The following ACSL5 variants were observed in gnomAD, a reference collection of about 807,000 sequenced individuals.
ACSL5 encodes the protein acyl-CoA synthetase long chain family member 5.
ACSL5 carries 50 observed loss-of-function variants against 84.9 expected under a neutral mutation model. That is an observed-to-expected ratio of 0.59 (90% CI 0.47 to 0.75). ACSL5 has a LOEUF of 0.75. ACSL5 is among the 30% of genes least tolerant of loss of function. The pLI is 0.00. For missense variants in ACSL5, 775 were observed against 830.4 expected, an observed-to-expected ratio of 0.93 and a Z score of 0.82; for synonymous variants, 280 against 300.7, an observed-to-expected ratio of 0.93 and a Z score of 0.71.
At chr10:112,421,503 G>A (rs1406380223) in intron 14 of ACSL5, 90 bp from the exon 15 acceptor site, 5 of 1,177,276 alleles carry the variant, frequency 4.2e-6, no homozygotes, top group Non-Finnish European at 6.4e-6. Context: ...AACCCTTAGA[G>A]ACCTTGCTTT....
intron 7 of ACSL5, chr10:112,410,018 A>G (rs1844142554): frequency 3.5e-6 from 1 of 287,100 alleles, no homozygotes; most frequent in East Asian, 1.7e-4. Flanking sequence ...ACCTTGGGCA[A>G]TCTCATCTCC....
intron 1 of ACSL5, among the ~76,000 whole-genome samples, chr10:112,384,825 T>C (rs1849419027): frequency 6.6e-6 from 1 of 152,190 alleles, no homozygotes. Context: ...CCTCCATCTC[T>C]CTTTTTCTAT....
rs572006589 is a variant in ACSL5, at chr10:112,419,401, C to CT, written c.1314+1466dup. 156 of 152,128 alleles carry CT rather than the reference C, an allele frequency of 1.0e-3. 1 individual carries two copies. The highest frequency in any genetic ancestry group is 3.7e-3 in the African/African-American group (152 of 41,510). The allele number at this position is 152,128 out of a possible 1,614,324, so 9.4% of individuals were successfully genotyped here. A position where few individuals can be genotyped will look rare whatever the true frequency, so the allele number is the denominator to read the frequency against. ...AAAACAGGCAAAAGATAATTTGGTC[C>CT]TTTTTTATATTTCTAAGAGTTCTTC... On this transcript the variant is annotated intron_variant, in intron 14 of 20. Coordinates refer to ENST00000354655, the MANE Select transcript of ACSL5 (RefSeq NM_203379.2).
At chr10:112,391,309 G>T (rs1843630846) in intron 1 of ACSL5, among the ~76,000 whole-genome samples, 1 of 151,454 alleles carries the variant, frequency 6.6e-6, no homozygotes, top group African/African-American at 2.4e-5. Context: ...GGCAGAGGTT[G>T]CAATCAGCCG....
intron 1 of ACSL5, among the ~76,000 whole-genome samples, chr10:112,385,213 A>G (rs1031624973): frequency 2.6e-5 from 4 of 152,200 alleles, no homozygotes; most frequent in Non-Finnish European, 5.9e-5. Flanking sequence ...AGGAGATGCC[A>G]TTACTGCCAT....
At chr10:112,387,936 C>CTTTTTTT (rs35032191) in intron 1 of ACSL5, among the ~76,000 whole-genome samples, 7 of 118,448 alleles carry the variant, frequency 5.9e-5, no homozygotes, top group Non-Finnish European at 1.0e-4. Context: ...TTATTTGTTC[C>CTTTTTTT]TTTTTTTTTT....
At chr10:112,421,802 C>A (rs540288598) in intron 15 of ACSL5, 137 bp downstream of exon 15, 5 of 1,285,958 alleles carry the variant, frequency 3.9e-6, no homozygotes, top group East Asian at 2.4e-5. Context: ...TGGGTCCAGG[C>A]CTGCCTATCT....
chr10:112,382,230 G>A (rs1405577241), intron 1 of ACSL5, among the ~76,000 whole-genome samples: 3 of 152,238 alleles, frequency 2.0e-5, no homozygotes, highest in African/African-American at 7.2e-5. Context: ...CCCTGGCTGT[G>A]GCATTCCTGA....
intron 12 of ACSL5, among the ~76,000 whole-genome samples, chr10:112,416,412 A>G (rs1182935213): frequency 4.3e-5 from 6 of 140,276 alleles, no homozygotes; most frequent in African/African-American, 1.1e-4. Flanking sequence ...TGGAGCTTGC[A>G]GTGAGCCGAG....
At chr10:112,399,145 A>G (rs2058829807) in intron 3 of ACSL5, 136 bp downstream of exon 3, 1 of 722,572 alleles carries the variant, frequency 1.4e-6, no homozygotes, top group African/African-American at 1.8e-5. Context: ...TGCAAAATAG[A>G]GGCAACATTA....
At chr10:112,410,785 A>G in intron 9 of ACSL5, 150 bp downstream of exon 9, 1 of 725,314 alleles carries the variant, frequency 1.4e-6, no homozygotes, top group Non-Finnish European at 2.2e-6. Flanking sequence ...GAATTCCCAA[A>G]TGGAAAAACA....
rs1338253794 is a variant in ACSL5 at position 112,401,819 on chromosome 10, TCTTTCTTTCTTTCTTTCTTTCTTC to T, written c.266-2688_266-2665del. Among the ~76,000 whole-genome samples the T allele has an allele frequency of 3.1e-4, 34 of 109,448 alleles. 1 individual carries two copies. Among genetic ancestry groups the T allele is most frequent in the South Asian group, 7.7e-4 (2 of 2,608 alleles). 71.8% of individuals were successfully genotyped at this position (109,448 alleles called of 152,430 possible). A position where few individuals can be genotyped will look rare whatever the true frequency, so the allele number is the denominator to read the frequency against. On this transcript the variant is annotated intron_variant, in intron 3 of 20. Transcript: ENST00000354655. Reference sequence around the variant, plus strand: ...TTCTTTCTTTCTTTCTTTCTTTCTTTCTTTCTTTCTTTCTTTCTTTCTTCCTTCCTTCCTTCCTTTCTTTCTTTC... The same window carrying T: ...TTCTTTCTTTCTTTCTTTCTTTCTTTCTTCCTTCCTTCCTTTCTTTCTTTC...
intron 1 of ACSL5, among the ~76,000 whole-genome samples, chr10:112,384,993 C>T (rs1849422182): frequency 6.6e-6 from 1 of 152,084 alleles, no homozygotes; most frequent in Non-Finnish European, 1.5e-5. Context: ...TTTTAAAATA[C>T]CTGCCCAGAA....
At position 112,427,318 on chromosome 10, in the gene ACSL5, G is replaced by T. The variant is rs147956544; in HGVS notation, c.2012G>T (p.Arg671Leu). 6.2e-7 allele frequency: 1 copy of T among 1,613,390 alleles called. No homozygotes were observed. The highest frequency in any genetic ancestry group is 2.2e-5 in the East Asian group (1 of 44,862). Residue 671 changes from arginine to leucine, a missense_variant, in exon 21 of 21, where the codon CGG becomes CTG. By Grantham distance (102) the Arg-to-Leu change is moderately radical. Transcript: ENST00000354655. ...AKRGELSKYFRTQIDSLYEHI... is the reference protein window; with the variant it reads ...AKRGELSKYFLTQIDSLYEHI... ...CGAGGAGAGCTTTCCAAATACTTTC[G>T]GACCCAAATTGACAGCCTGTATGAG... is the stretch of plus-strand genomic sequence containing the variant.
intron 7 of ACSL5, 88 bp downstream of exon 7, chr10:112,409,773 C>A: frequency 7.2e-7 from 1 of 1,380,006 alleles, no homozygotes; most frequent in Non-Finnish European, 1.0e-6. Flanking sequence ...GGACAGTGTT[C>A]TTGTTCTCCA....
At chr10:112,377,206 G>C (rs548430197) in intron 1 of ACSL5, among the ~76,000 whole-genome samples, 1 of 152,276 alleles carries the variant, frequency 6.6e-6, no homozygotes, top group Non-Finnish European at 1.5e-5. Context: ...GCTCCAATGT[G>C]TAGGTGATTA....
intron 2 of ACSL5, among the ~76,000 whole-genome samples, chr10:112,397,063 C>G (rs1843762549): frequency 6.6e-6 from 1 of 152,162 alleles, no homozygotes; most frequent in Non-Finnish European, 1.5e-5. Context: ...AGTTGGACCA[C>G]TGGACCACAC....
chr10:112,377,462 A>G (rs1039599539), intron 1 of ACSL5, among the ~76,000 whole-genome samples: 1 of 152,180 alleles, frequency 6.6e-6, no homozygotes, highest in Non-Finnish European at 1.5e-5. Context: ...TGAACCTAGG[A>G]GGCGGAGGTT....
intron 1 of ACSL5, among the ~76,000 whole-genome samples, chr10:112,383,808 T>C (rs1849396932): frequency 3.2e-5 from 1 of 31,342 alleles, no homozygotes; most frequent in South Asian, 2.1e-3. Context: ...CTGTTCATTT[T>C]ATTCTTTTTT....
Sources: allele counts gnomAD v4.1 joint callset (sites outside exome capture counted in the v4.1 genomes callset), GRCh38; gene constraint gnomAD v4.1.1; transcripts MANE v1.5; gene names NCBI Gene and HGNC (gene_info 2026-07-23, HGNC 2026-07-21).